ADAMTS13: variants seen among roughly 807,000 people sequenced by gnomAD.
ADAMTS13 encodes A disintegrin and metalloproteinase with thrombospondin motifs 13.
A neutral mutation model predicts 155.1 loss-of-function variants in ADAMTS13; 110 were observed. The ratio of observed to expected loss-of-function variants is 0.71; its 90% CI spans 0.61 to 0.83. The LOEUF (loss-of-function observed/expected upper bound fraction) is 0.83, where lower values mean the gene tolerates loss of function less well. ADAMTS13 is among the 40% of genes least tolerant of loss of function. ADAMTS13 has a pLI of 0.00. For missense variants in ADAMTS13, 1,707 were observed against 1,891.7 expected, an observed-to-expected ratio of 0.90 and a Z score of 1.81; for synonymous variants, 758 against 756.4, an observed-to-expected ratio of 1.00 and a Z score of -0.03.
chr9:133,458,885 G>A (rs138318846), intron 28 of ADAMTS13, 89 bp from the exon 29 acceptor site: 323 of 1,197,144 alleles, frequency 2.7e-4, no homozygotes, highest in East Asian at 2.4e-3. Flanking sequence ...AATGTGATCC[G>A]GAATCTGTGA....
At chr9:133,421,504 G>T (rs750520194), upstream of ADAMTS13, among the ~76,000 whole-genome samples, 4 of 152,188 alleles carry the variant, frequency 2.6e-5, no homozygotes, top group Non-Finnish European at 5.9e-5. Context: ...TAGCAACTTT[G>T]CTGTCTGGCT....
In ADAMTS13 at chr9:133,428,702, A is replaced by ACGGCGCCGCGCC; in HGVS notation, c.757_768dup (p.Gly253_Pro256dup). The stretch of plus-strand genomic sequence containing the variant: ...CCCAGCGGACACGTGATGGCTTCGG[A>ACGGCGCCGCGCC]CGGCGCCGCGCCCCGCGCCGGCCTC... On this transcript the variant is annotated inframe_insertion, in exon 7 of 29. Transcript: ENST00000355699. 7.3e-7 allele frequency: 1 copy of ACGGCGCCGCGCC among 1,360,556 alleles called. No individual in the cohort carries two copies. Among genetic ancestry groups the ACGGCGCCGCGCC allele is most frequent in the Non-Finnish European group, 9.5e-7 (1 of 1,054,316 alleles). The allele number at this position is 1,360,556 out of a possible 1,614,324, so 84.3% of individuals were successfully genotyped here.
chr9:133,441,052 T>G lies in ADAMTS13; in HGVS notation c.1968+527T>G, dbSNP rs1250416372. Among the ~76,000 whole-genome samples, 1 of 152,086 alleles carries G rather than the reference T, an allele frequency of 6.6e-6. No homozygotes were observed. Among genetic ancestry groups the G allele is most frequent in the Non-Finnish European group, 1.5e-5 (1 of 68,006 alleles). Reference sequence around the variant, plus strand: ...ATGCTGGCTCTCACTGCTTCTTTGGTGCAGTGTGTGTGGGAACCGGAAGGC... The same window carrying G: ...ATGCTGGCTCTCACTGCTTCTTTGGGGCAGTGTGTGTGGGAACCGGAAGGC... On this transcript the variant is annotated intron_variant, in intron 16 of 28. Coordinates refer to ENST00000355699, the MANE Select transcript of ADAMTS13 (RefSeq NM_139027.6). The surrounding 1 kb of genome is among the most constrained non-coding windows in gnomAD (Gnocchi z 5.0).
upstream of ADAMTS13, among the ~76,000 whole-genome samples, chr9:133,419,658 A>G (rs1031478196): frequency 6.6e-6 from 1 of 152,184 alleles, no homozygotes; most frequent in Non-Finnish European, 1.5e-5. Flanking sequence ...TGCTGCTGAG[A>G]GGCTGAGAAG....
upstream of ADAMTS13, among the ~76,000 whole-genome samples, chr9:133,419,143 A>C (rs1554782421): frequency 1.3e-5 from 2 of 151,858 alleles, no homozygotes; most frequent in African/African-American, 2.4e-5. Flanking sequence ...CCCGGCCGGG[A>C]GTGGGTAGAT....
At chr9:133,417,316 C>G (rs187168241), upstream of ADAMTS13, among the ~76,000 whole-genome samples, 97 of 152,364 alleles carry the variant, frequency 6.4e-4, 2 homozygotes, top group South Asian at 0.01. Context: ...CGCGCCCGGC[C>G]TGGTTTCGGG....
In ADAMTS13 at chr9:133,430,065, C is replaced by T; in HGVS notation, c.951C>T (p.Pro317=). The T allele has an allele frequency of 6.3e-7, 1 of 1,595,202 alleles. No individual in the cohort carries two copies. Among genetic ancestry groups the T allele is most frequent in the Middle Eastern group, 1.7e-4 (1 of 6,032 alleles). ...AGCAGTGCCGCGTGGCCTTCGGCCC[C>T]AAGGCTGTCGCCTGCACCTTCGCCA... ...ANEQCRVAFG[P]KAVACTFARE... The change falls in exon 8 of 29, where the codon CCC becomes CCT. Residue 317 remains proline, a synonymous_variant. Transcript: ENST00000355699.
At chr9:133,450,695 G>T (rs949674572) in intron 23 of ADAMTS13, among the ~76,000 whole-genome samples, 1 of 152,226 alleles carries the variant, frequency 6.6e-6, no homozygotes, top group African/African-American at 2.4e-5. Context: ...GTTGCAGTGA[G>T]CCGAGATGGC....
rs1554795913 is a variant in ADAMTS13, at chr9:133,456,202, C to T, written c.3534C>T (p.Leu1178=). 6.2e-7 allele frequency: 1 copy of T among 1,613,556 alleles called. No homozygotes were observed. Among genetic ancestry groups the T allele is most frequent in the Non-Finnish European group, 8.5e-7 (1 of 1,180,036 alleles). ...VVTLRVLESS[L]NCSAGDMLLL... is the part of the protein sequence containing the mutation. ...CCCTCCGCGTCCTTGAGAGTTCTCT[C>T]AACTGCAGTGCGGGTATGTCTAGGG... Residue 1178 remains leucine (L), a synonymous_variant, in exon 26 of 29, where the codon CTC becomes CTT. Coordinates refer to ENST00000355699, the MANE Select transcript of ADAMTS13 (RefSeq NM_139027.6). The surrounding 1 kb of genome is among the most constrained non-coding windows in gnomAD (Gnocchi z 4.4).
chr9:133,429,603 C>G, intron 7 of ADAMTS13: 1 of 442,492 alleles, frequency 2.3e-6, no homozygotes, highest in South Asian at 1.9e-5. Context: ...AGTCCCACAC[C>G]CCTATCTCCC....
At chr9:133,448,147 G>A (rs1289243986) in intron 21 of ADAMTS13, among the ~76,000 whole-genome samples, 3 of 151,948 alleles carry the variant, frequency 2.0e-5, no homozygotes, top group East Asian at 1.9e-4. Flanking sequence ...GCACCACCAC[G>A]CTCAGCTAAT....
intron 12 of ADAMTS13, among the ~76,000 whole-genome samples, chr9:133,437,297 C>T (rs1841310343): frequency 6.6e-6 from 1 of 152,176 alleles, no homozygotes; most frequent in Admixed American, 6.5e-5. Flanking sequence ...TGCTCTGTCG[C>T]CCAGGCTGGA....
chr9:133,438,903 A>G (rs1257781807), intron 14 of ADAMTS13, among the ~76,000 whole-genome samples: 1 of 118,110 alleles, frequency 8.5e-6, no homozygotes, highest in Admixed American at 9.4e-5. Flanking sequence ...AGAGTGAGAC[A>G]CTGTCTCAAA....
In ADAMTS13 at chr9:133,440,098, G is replaced by A. The variant is rs1016095930; in HGVS notation, c.1787-246G>A. Among the ~76,000 whole-genome samples, 1 of 152,242 alleles carries A rather than the reference G, an allele frequency of 6.6e-6. No individual in the cohort carries two copies. The highest frequency in any genetic ancestry group is 1.5e-5 in the Non-Finnish European group (1 of 68,040). On this transcript the variant is annotated intron_variant, in intron 15 of 28. Transcript: ENST00000355699. The surrounding 1 kb of genome is among the most constrained non-coding windows in gnomAD (Gnocchi z 4.3). ...CCTAACCTTTGAAGCCTTGGTTGCC[G>A]GCACTTGCCATGGGGTCCCTGAGCC...
rs1277950265 is a variant in ADAMTS13, at chr9:133,424,806, G to A, written c.330+328G>A. On this transcript the variant is annotated intron_variant, in intron 3 of 28. Transcript: ENST00000355699. This position sits in a 1 kb window ranked among gnomAD's most constrained non-coding sequence, Gnocchi z 4.3. Reference sequence around the variant, plus strand: ...AACCCTGGCAAATGGGATACGGGCTGCTCACACTGCCCTCTGCACCCCGAC... The same window carrying A: ...AACCCTGGCAAATGGGATACGGGCTACTCACACTGCCCTCTGCACCCCGAC... 6.6e-6 allele frequency among the ~76,000 whole-genome samples: 1 copy of A among 152,176 alleles called. No homozygotes were observed. The highest frequency in any genetic ancestry group is 1.5e-5 in the Non-Finnish European group (1 of 68,030).
At chr9:133,435,062 C>G (rs933543623) in intron 11 of ADAMTS13, among the ~76,000 whole-genome samples, 2 of 152,208 alleles carry the variant, frequency 1.3e-5, no homozygotes, top group Admixed American at 1.3e-4. Context: ...CACCTTTTGG[C>G]TCCTGTGAAC....
In ADAMTS13 at chr9:133,455,126, C is replaced by T. The variant is rs587714720; in HGVS notation, c.3250-159C>T. On this transcript the variant is annotated intron_variant, in intron 24 of 28. Transcript: ENST00000355699. The stretch of plus-strand genomic sequence containing the variant: ...ACCTATATGACCCATGCAAGGTGCC[C>T]TCTCTGAGCCTCAGTTTTCTCATCT... 5.9e-5 allele frequency among the ~76,000 whole-genome samples: 9 copies of T among 152,262 alleles called. No homozygotes were observed. In the South Asian group the frequency reaches 1.9e-3, roughly 32 times the overall value.
chr9:133,430,148 C>T (rs782402561), intron 8 of ADAMTS13, 47 bp downstream of exon 8: 23 of 1,546,726 alleles, frequency 1.5e-5, no homozygotes, highest in African/African-American at 9.5e-5. Flanking sequence ...GGTCCCTCCG[C>T]ATCACCCAGC....
chr9:133,448,504 C>T (rs1032530147), intron 21 of ADAMTS13, 95 bp from the exon 22 acceptor site: 24 of 1,539,598 alleles, frequency 1.6e-5, no homozygotes, highest in South Asian at 1.5e-4. Flanking sequence ...GAAACCCATG[C>T]GGGCCTTATG....
Sources: gnomAD v4.1 joint callset for allele counts (sites outside exome capture counted in the v4.1 genomes callset) on GRCh38, gnomAD v4.1.1 for gene constraint, Gnocchi (gnomAD v3.1) non-coding constraint, MANE v1.5 for transcripts, NCBI Gene and HGNC (gene_info 2026-07-23, HGNC 2026-07-21) for gene names.